Variants in MLLT10 observed in about 807,000 individuals in gnomAD.
MLLT10 encodes MLLT10 histone lysine methyltransferase DOT1L cofactor.
MLLT10 carries 30 observed loss-of-function variants against 129.1 expected under a neutral mutation model. The observed-to-expected ratio is 0.23, with a 90% CI of 0.17 to 0.32. The LOEUF (loss-of-function observed/expected upper bound fraction) is 0.32, where lower values mean the gene tolerates loss of function less well. Ranked by LOEUF, MLLT10 falls within the 10% of genes least tolerant of loss-of-function variation. The probability of loss-of-function intolerance (pLI) is 1.00; values close to 1 mark genes in which losing one functional copy is unlikely to be tolerated. For missense variants in MLLT10, 1,119 were observed against 1,268.3 expected (o/e 0.88, Z 1.79); for synonymous variants, 490 against 446.4 (o/e 1.10, Z -1.23).
intron 8 of MLLT10, chr10:21,625,535 T>C: frequency 1.2e-6 from 1 of 806,792 alleles, no homozygotes; most frequent in Admixed American, 1.7e-5. Flanking sequence ...GCATCTGGCT[T>C]GTACTGCTGA....
chr10:21,686,232 T>C (rs1419983522), intron 13 of MLLT10, among the ~76,000 whole-genome samples: 1 of 152,192 alleles, frequency 6.6e-6, no homozygotes, highest in Non-Finnish European at 1.5e-5. Flanking sequence ...CTTTCTTTTA[T>C]AGGCATCGAT....
At position 21,612,466 on chromosome 10, in the gene MLLT10, A is replaced by G. The variant is rs773670830; in HGVS notation, c.509+15A>G. 1.3e-6 allele frequency: 2 copies of G among 1,543,436 alleles called. No individual in the cohort carries two copies. The highest frequency in any genetic ancestry group is 3.4e-5 in the Admixed American group (2 of 58,126). On this transcript the variant is annotated intron_variant, in intron 6 of 22. Coordinates refer to ENST00000307729, the MANE Select transcript of MLLT10 (RefSeq NM_001195626.3). ...CATGTAACATGGTAAGGATGTTTCC[A>G]TTGTTGCACAGAACTGAACTTGGTA... is the stretch of plus-strand genomic sequence containing the variant.
chr10:21,555,981 CTT>C (rs997585625), intron 3 of MLLT10, among the ~76,000 whole-genome samples: 2 of 142,788 alleles, frequency 1.4e-5, no homozygotes, highest in Admixed American at 7.0e-5. Context: ...GTGCACGGCC[CTT>C]TTTTTTTTTG....
Position 21,734,245 on chromosome 10 carries a change from C to T in MLLT10, c.2858+116C>T, listed in dbSNP as rs2058178913. On this transcript the variant is annotated intron_variant, in intron 20 of 22. Transcript: ENST00000307729. ...TGTAGATACACCTTAAGAAGTCTGCCAAAAATTTTAAGTATATTATACAGA... is the reference window on the plus strand; with the variant it reads ...TGTAGATACACCTTAAGAAGTCTGCTAAAAATTTTAAGTATATTATACAGA... 8.8e-6 allele frequency: 11 copies of T among 1,250,432 alleles called. 1 individual carries two copies. In the South Asian group the frequency reaches 1.8e-4, roughly 20 times the overall value. 77.5% of individuals were successfully genotyped at this position (1,250,432 alleles called of 1,614,324 possible).
intron 5 of MLLT10, among the ~76,000 whole-genome samples, chr10:21,598,110 A>C (rs534372707): frequency 1.3e-5 from 2 of 152,332 alleles, no homozygotes; most frequent in African/African-American, 4.8e-5. Context: ...GTGGTTTTCT[A>C]ATTTCACCCT....
In MLLT10 at chr10:21,735,241, TTC is replaced by T; in HGVS notation, c.2955+8_2955+9del. 6.3e-7 allele frequency: 1 copy of T among 1,595,088 alleles called. No individual in the cohort carries two copies. ...ATTCTCAACAGCTCACACCAGTAAG[TTC>T]TTTCTTTTGATAATATCTTATTAGG... is the stretch of plus-strand genomic sequence containing the variant. On this transcript the variant is annotated splice_region_variant and intron_variant, in intron 21 of 22. Coordinates refer to ENST00000307729, the MANE Select transcript of MLLT10 (RefSeq NM_001195626.3).
chr10:21,663,687 C>G, intron 9 of MLLT10, among the ~76,000 whole-genome samples: 1 of 152,210 alleles, frequency 6.6e-6, no homozygotes, highest in East Asian at 1.9e-4. Context: ...GCCTCAGCCT[C>G]CCGAATAGCT....
At chr10:21,621,918 C>G (rs1450890915) in intron 8 of MLLT10, among the ~76,000 whole-genome samples, 1 of 152,092 alleles carries the variant, frequency 6.6e-6, no homozygotes, top group Non-Finnish European at 1.5e-5. Context: ...ATATTAAATA[C>G]TGTGGTATCC....
At chr10:21,656,261 G>A (rs1027423750) in intron 9 of MLLT10, among the ~76,000 whole-genome samples, 2 of 152,086 alleles carry the variant, frequency 1.3e-5, no homozygotes, top group African/African-American at 4.8e-5. Flanking sequence ...GGAAAGAAAG[G>A]CTGTTTTACC....
intron 8 of MLLT10, among the ~76,000 whole-genome samples, chr10:21,646,675 T>A (rs1190895487): frequency 6.6e-6 from 1 of 152,150 alleles, no homozygotes; most frequent in Non-Finnish European, 1.5e-5. Flanking sequence ...TAATTATACA[T>A]ACTGATTCAA....
chr10:21,534,569 C>T (rs1396565083), intron 1 of MLLT10, 49 bp downstream of exon 1: 24 of 1,437,850 alleles, frequency 1.7e-5, no homozygotes, highest in Non-Finnish European at 2.1e-5. Flanking sequence ...CCGGGGCGGG[C>T]TCGGGGGGCT....
At chr10:21,547,816 G>A (rs1313438118) in intron 3 of MLLT10, among the ~76,000 whole-genome samples, 1 of 152,184 alleles carries the variant, frequency 6.6e-6, no homozygotes, top group Non-Finnish European at 1.5e-5. Flanking sequence ...TGGTATTACA[G>A]GCGTGAGCCA....
At chr10:21,576,052 T>G (rs1436927899) in intron 3 of MLLT10, among the ~76,000 whole-genome samples, 1 of 151,824 alleles carries the variant, frequency 6.6e-6, no homozygotes, top group Admixed American at 6.6e-5. Flanking sequence ...TCAGCCACCC[T>G]AGTAGCTGGG....
chr10:21,621,309 A>C (rs2045826441), intron 8 of MLLT10, among the ~76,000 whole-genome samples: 1 of 139,122 alleles, frequency 7.2e-6, no homozygotes, highest in South Asian at 2.2e-4. Flanking sequence ...CAGTGGCGCG[A>C]TCTGGGCTTA....
chr10:21,646,442 C>G (rs1252233376), intron 8 of MLLT10, among the ~76,000 whole-genome samples: 1 of 151,710 alleles, frequency 6.6e-6, no homozygotes, highest in Admixed American at 6.6e-5. Context: ...TGATTTTCAT[C>G]ATGGGTGCCT....
chr10:21,628,873 G>A (rs1164581329), intron 8 of MLLT10, among the ~76,000 whole-genome samples: 2 of 150,156 alleles, frequency 1.3e-5, no homozygotes, highest in Admixed American at 6.7e-5. Context: ...CTCAGCCTCC[G>A]CATTAGCTGG....
intron 3 of MLLT10, among the ~76,000 whole-genome samples, chr10:21,545,290 A>G (rs948674722): frequency 1.3e-4 from 20 of 151,934 alleles, no homozygotes; most frequent in African/African-American, 4.8e-4. Flanking sequence ...TTGGGAGAGT[A>G]AGAGAACTGA....
chr10:21,575,037 G>C (rs1316894780), intron 3 of MLLT10, among the ~76,000 whole-genome samples: 1 of 152,074 alleles, frequency 6.6e-6, no homozygotes. Flanking sequence ...AGAGGCCTCT[G>C]ACAAAAGGAC....
At position 21,540,015 on chromosome 10, in the gene MLLT10, G is replaced by A. The variant is rs530175685; in HGVS notation, c.240+1103G>A. On this transcript the variant is annotated intron_variant, in intron 3 of 22. Transcript: ENST00000307729. ...CACACCTGTAATCCCACCACTTTGG[G>A]AAGCCGAGGCAGGAGGATTGCTTGA... 2.6e-5 allele frequency among the ~76,000 whole-genome samples: 4 copies of A among 152,114 alleles called. No homozygotes were observed. In the South Asian group the frequency reaches 8.3e-4, roughly 32 times the overall value.
Sources: gnomAD v4.1 joint callset for allele counts (sites outside exome capture counted in the v4.1 genomes callset) on GRCh38, gnomAD v4.1.1 for gene constraint, MANE v1.5 for transcripts, NCBI Gene and HGNC (gene_info 2026-07-23, HGNC 2026-07-21) for gene names.